SMC3: variants seen among roughly 807,000 people sequenced by gnomAD.
SMC3 encodes the protein structural maintenance of chromosomes 3, also known as structural maintenance of chromosomes protein 3.
SMC3 carries 20 observed loss-of-function variants against 171.8 expected under a neutral mutation model. The ratio of observed to expected loss-of-function variants is 0.12; its 90% CI spans 0.08 to 0.17. The LOEUF is 0.17. Ranked by LOEUF, SMC3 falls within the 10% of genes least tolerant of loss-of-function variation. The pLI is 1.00. For synonymous variants in SMC3, 464 were observed against 451.1 expected (o/e 1.03, Z -0.36); for missense variants, 543 against 1,420.4 (o/e 0.38, Z 9.93).
intron 3 of SMC3, among the ~76,000 whole-genome samples, chr10:110,574,286 T>C (rs1860914901): frequency 6.6e-6 from 1 of 152,190 alleles, no homozygotes; most frequent in Non-Finnish European, 1.5e-5. Flanking sequence ...AGATAGTAAA[T>C]AGAGCTTCAA....
Position 110,583,494 on chromosome 10 carries a change from G to A in SMC3, c.915G>A (p.Leu305=). 6.2e-7 allele frequency: 1 copy of A among 1,614,004 alleles called. No homozygotes were observed. The highest frequency in any genetic ancestry group is 8.5e-7 in the Non-Finnish European group (1 of 1,179,898). Residue 305 remains leucine (L), a synonymous_variant, in exon 11 of 29, where the codon TTG becomes TTA. Transcript: ENST00000361804. ...RQEQIKQRTK[L]ELKAKDLQDE... is the part of the protein sequence containing the mutation. Reference sequence around the variant, plus strand: ...AGCAGATTAAGCAGAGGACTAAGTTGGAGCTTAAAGCCAAGGATTTACAAG... The same window carrying A: ...AGCAGATTAAGCAGAGGACTAAGTTAGAGCTTAAAGCCAAGGATTTACAAG...
chr10:110,592,179 C>T (rs1000269651), intron 17 of SMC3, among the ~76,000 whole-genome samples: 11 of 151,830 alleles, frequency 7.2e-5, no homozygotes, highest in Admixed American at 2.0e-4. Context: ...GCGGGAAAAT[C>T]GCTTGAACTG....
intron 19 of SMC3, among the ~76,000 whole-genome samples, chr10:110,597,752 C>CT (rs1861323096): frequency 6.6e-6 from 1 of 152,212 alleles, no homozygotes; most frequent in African/African-American, 2.4e-5. Context: ...ATGGCAAGAA[C>CT]TCTTCATACA....
In SMC3 at chr10:110,596,573, G is replaced by A. The variant is rs7075340; in HGVS notation, c.2116+23G>A. On this transcript the variant is annotated intron_variant, in intron 19 of 28. Coordinates refer to ENST00000361804, the MANE Select transcript of SMC3 (RefSeq NM_005445.4). ...AAAATATCTTTTTGTTTTGTGCATA[G>A]TGATAGATATTGTGGGGGAAGAACT... 1,590,135 of 1,611,826 alleles carry A rather than the reference G, an allele frequency of 0.99. 784,671 individuals carry two copies. Among genetic ancestry groups the A allele is most frequent in the South Asian group, 1 (90,640 of 90,948 alleles).
In SMC3 at chr10:110,575,205, C is replaced by G. The variant is rs1480049491; in HGVS notation, c.131-131C>G. The G allele has an allele frequency of 4.3e-5, 30 of 692,760 alleles. 1 individual carries two copies. The highest frequency in any genetic ancestry group is 2.6e-6 in the Non-Finnish European group (1 of 391,338). The allele number at this position is 692,760 out of a possible 1,614,324, so 42.9% of individuals were successfully genotyped here. On this transcript the variant is annotated intron_variant, in intron 3 of 28. Coordinates refer to ENST00000361804, the MANE Select transcript of SMC3 (RefSeq NM_005445.4). The stretch of plus-strand genomic sequence containing the variant: ...GCACATTTTCTGCATTTCCTTTTGT[C>G]CATATGAAACAGATAATTTATTTGC...
At position 110,583,900 on chromosome 10, in the gene SMC3, A is replaced by G. The variant is rs1397193848; in HGVS notation, c.1029A>G (p.Glu343=). 3.1e-6 allele frequency: 5 copies of G among 1,613,878 alleles called. No homozygotes were observed. The highest frequency in any genetic ancestry group is 3.4e-6 in the Non-Finnish European group (4 of 1,179,840). Residue 343 remains glutamate, a synonymous_variant, in exon 12 of 29, where the codon GAA becomes GAG. Coordinates refer to ENST00000361804, the MANE Select transcript of SMC3 (RefSeq NM_005445.4). ...AAAAAATAGAAGAAAAGCAGAAAGA[A>G]CTGGCAGAAACAGAACCCAAATTCA... is the stretch of plus-strand genomic sequence containing the variant. ...LLEKIEEKQK[E]LAETEPKFNS...
intron 15 of SMC3, among the ~76,000 whole-genome samples, 187 bp downstream of exon 15, chr10:110,590,178 T>G (rs1861183777): frequency 6.6e-6 from 1 of 152,220 alleles, no homozygotes; most frequent in South Asian, 2.1e-4. Flanking sequence ...TTAATAGCAC[T>G]TTTGATGTTC....
intron 2 of SMC3, among the ~76,000 whole-genome samples, chr10:110,569,296 T>A (rs1332591971): frequency 6.6e-6 from 1 of 152,210 alleles, no homozygotes; most frequent in East Asian, 1.9e-4. Flanking sequence ...CTGTTCTTGT[T>A]ATATATCCTA....
At chr10:110,585,823 A>T (rs6584997) in intron 13 of SMC3, among the ~76,000 whole-genome samples, 15,592 of 151,390 alleles carry the variant, frequency 0.1, 1,518 homozygotes, top group African/African-American at 0.26. Flanking sequence ...TTGGAGATGG[A>T]GTGTTGCTCT....
At chr10:110,587,827 A>G (rs765839390) in intron 13 of SMC3, among the ~76,000 whole-genome samples, 4 of 152,196 alleles carry the variant, frequency 2.6e-5, no homozygotes, top group South Asian at 2.1e-4. Context: ...TTCTTTTAGC[A>G]TGTGTTCAGA....
At position 110,600,558 on chromosome 10, in the gene SMC3, T is replaced by G. The variant is rs767662342; in HGVS notation, c.2535+12T>G. On this transcript the variant is annotated intron_variant, in intron 22 of 28. Coordinates refer to ENST00000361804, the MANE Select transcript of SMC3 (RefSeq NM_005445.4). ...ACCAAGTAGAACAGGTGTGTATGTG[T>G]TTTTTTTTTTTTTTTTAAGGGCTCC... 7.0e-6 allele frequency: 2 copies of G among 287,510 alleles called. No homozygotes were observed. Among genetic ancestry groups the G allele is most frequent in the South Asian group, 5.7e-5 (1 of 17,634 alleles). 17.8% of individuals were successfully genotyped at this position (287,510 alleles called of 1,614,324 possible).
chr10:110,573,767 G>T, intron 3 of SMC3, 22 bp downstream of exon 3: 1 of 1,485,990 alleles, frequency 6.7e-7, no homozygotes, highest in East Asian at 2.3e-5. Flanking sequence ...TTTTTGAATT[G>T]TAAATATATT....
At chr10:110,597,005 A>G (rs1305411698) in intron 19 of SMC3, among the ~76,000 whole-genome samples, 1 of 152,008 alleles carries the variant, frequency 6.6e-6, no homozygotes, top group East Asian at 1.9e-4. Context: ...TTGTACTTGT[A>G]CAGTGGCACA....
At chr10:110,572,928 C>T (rs1564787819) in intron 2 of SMC3, among the ~76,000 whole-genome samples, 1 of 152,036 alleles carries the variant, frequency 6.6e-6, no homozygotes, top group East Asian at 1.9e-4. Flanking sequence ...CTCAGATTAC[C>T]CCTAGTTTTA....
rs910436048 is a variant in SMC3, at chr10:110,567,781, G to C, written c.-36G>C. 6 of 1,613,232 alleles carry C rather than the reference G, an allele frequency of 3.7e-6. No homozygotes were observed. The highest frequency in any genetic ancestry group is 1.1e-5 in the South Asian group (1 of 91,076). The stretch of plus-strand genomic sequence containing the variant: ...CCTGCGGCCGTGCGGTTGCTGCTCC[G>C]GGGCAGGTCTCCTTCCAGGCCAGGG... On this transcript the variant is annotated 5_prime_UTR_variant, in exon 1 of 29. Transcript: ENST00000361804.
Position 110,605,338 on chromosome 10 carries a change from C to T in SMC3, c.*1036C>T, listed in dbSNP as rs1861452390. Among the ~76,000 whole-genome samples the T allele has an allele frequency of 6.6e-6, 1 of 152,106 alleles. No homozygotes were observed. Among genetic ancestry groups the T allele is most frequent in the Non-Finnish European group, 1.5e-5 (1 of 68,002 alleles). On this transcript the variant is annotated 3_prime_UTR_variant, in exon 29 of 29. Coordinates refer to ENST00000361804, the MANE Select transcript of SMC3 (RefSeq NM_005445.4). ...TAGTCCTCGTAGCTTTTTGTAGATT[C>T]TTTGAGATTTTCTACATAGACAGTC...
chr10:110,592,027 G>C (rs1403383715), intron 17 of SMC3, among the ~76,000 whole-genome samples: 2 of 152,122 alleles, frequency 1.3e-5, no homozygotes, highest in Non-Finnish European at 2.9e-5. Flanking sequence ...ACTTTGGGAG[G>C]GGGAGGTGGG....
intron 12 of SMC3, 107 bp from the exon 13 acceptor site, chr10:110,584,076 C>T: frequency 6.5e-7 from 1 of 1,530,378 alleles, no homozygotes; most frequent in East Asian, 2.2e-5. Flanking sequence ...CTTTTTGTAT[C>T]TTTTTGAAAA....
chr10:110,578,915 ATTAC>A (rs1860993929), intron 7 of SMC3, among the ~76,000 whole-genome samples: 1 of 152,230 alleles, frequency 6.6e-6, no homozygotes, highest in African/African-American at 2.4e-5. Flanking sequence ...AGTGACTGGT[ATTAC>A]TTACTGAGGT....
Sources: allele counts gnomAD v4.1 joint callset (sites outside exome capture counted in the v4.1 genomes callset), GRCh38; gene constraint gnomAD v4.1.1; transcripts MANE v1.5; gene names NCBI Gene and HGNC (gene_info 2026-07-23, HGNC 2026-07-21).